CRLF2: variants seen among roughly 807,000 people sequenced by gnomAD.
CRLF2 encodes the protein cytokine receptor like factor 2.
CRLF2 carries 41 observed loss-of-function variants against 38.7 expected under a neutral mutation model. The observed-to-expected ratio is 1.06, with a 90% CI of 0.83 to 1.37. The LOEUF (loss-of-function observed/expected upper bound fraction) is 1.37, where lower values mean the gene tolerates loss of function less well. CRLF2 is among the 40% of genes most tolerant of loss of function. The probability of loss-of-function intolerance (pLI) is 0.00; values close to 1 mark genes in which losing one functional copy is unlikely to be tolerated. For synonymous variants in CRLF2, 140 were observed against 128.8 expected (o/e 1.09, Z -0.59); for missense variants, 377 against 322.2 (o/e 1.17, Z -1.30).
At position 1,212,605 on chromosome X, in the gene CRLF2, A is replaced by C; in HGVS notation, c.30T>G (p.Ala10=). 5 of 1,612,750 alleles carry C rather than the reference A, an allele frequency of 3.1e-6. No individual in the cohort carries two copies. Among genetic ancestry groups the C allele is most frequent in the Non-Finnish European group, 4.2e-6 (5 of 1,179,280 alleles). MGRLVLLWG[A]AVFLLGGWMA... ...TCCAGCCTCCCAGCAGAAAGACGGCAGCTCCCCACAGCAGAACCAGCCGCC... is the reference window on the plus strand; with the variant it reads ...TCCAGCCTCCCAGCAGAAAGACGGCCGCTCCCCACAGCAGAACCAGCCGCC... Residue 10 remains alanine (A), a synonymous_variant, in exon 1 of 8, where the codon GCT becomes GCG. Transcript: ENST00000400841.
Position 1,208,814 on chromosome X carries a change from G to GA in CRLF2, c.173dup (p.His59ProfsTer7). The GA allele has an allele frequency of 6.2e-7, 1 of 1,604,602 alleles. No homozygotes were observed. Among genetic ancestry groups the GA allele is most frequent in the Non-Finnish European group, 8.5e-7 (1 of 1,171,382 alleles). On this transcript the variant is annotated frameshift_variant, in exon 2 of 8. Coordinates refer to ENST00000400841, the MANE Select transcript of CRLF2 (RefSeq NM_022148.4). LOFTEE classifies it high-confidence loss of function. ...TTCTGGGGGCCACTTACCTGTAGTGGAAAGTCAGGTTGGTCCTGGAGTATT... is the reference window on the plus strand; with the variant it reads ...TTCTGGGGGCCACTTACCTGTAGTGGAAAAGTCAGGTTGGTCCTGGAGTATT...
intron 2 of CRLF2, 62 bp downstream of exon 2, chrX:1,208,744 C>T (rs1427886110): frequency 1.3e-5 from 12 of 951,598 alleles, no homozygotes; most frequent in East Asian, 1.2e-4. Flanking sequence ...CAATCGCTGA[C>T]GGCTCAGAAG....
chrX:1,198,879 T>G (rs2086550709), intron 4 of CRLF2, 155 bp from the exon 5 acceptor site: 1 of 757,626 alleles, frequency 1.3e-6, no homozygotes, highest in Non-Finnish European at 2.2e-6. Context: ...CCGGACACAG[T>G]GGCTCACTCC....
intron 7 of CRLF2, among the ~76,000 whole-genome samples, 165 bp downstream of exon 7, chrX:1,193,053 G>A (rs1450574061): frequency 6.6e-6 from 1 of 151,538 alleles, no homozygotes; most frequent in Non-Finnish European, 1.5e-5. Flanking sequence ...CCTGAAGTGA[G>A]CCTCCCACCT....
intron 4 of CRLF2, among the ~76,000 whole-genome samples, chrX:1,200,430 G>GTA (rs782762453): frequency 0.5 from 72,383 of 144,616 alleles, 19,261 homozygotes; most frequent in East Asian, 0.69. Flanking sequence ...GTATATGTGT[G>GTA]TATATGTGTT....
At position 1,198,609 on chromosome X, in the gene CRLF2, G is replaced by C. The variant is rs770185681; in HGVS notation, c.599C>G (p.Pro200Arg). The change falls in exon 5 of 8, where the codon CCA (proline) becomes CGA (arginine). Residue 200 changes from proline to arginine, a missense_variant. Coordinates refer to ENST00000400841, the MANE Select transcript of CRLF2 (RefSeq NM_022148.4). ...MEDVYGPDTY[P>R]SDWSEVTCWQ... ...GCATGTCACCTCTGACCAGTCGCTT[G>C]GGTATGTGTCTGGCCCATATACATC... 6.2e-7 allele frequency: 1 copy of C among 1,613,646 alleles called. No individual in the cohort carries two copies. Among genetic ancestry groups the C allele is most frequent in the Non-Finnish European group, 8.5e-7 (1 of 1,179,680 alleles).
At chrX:1,191,983 AT>A (rs2086389142) in intron 7 of CRLF2, among the ~76,000 whole-genome samples, 1 of 147,736 alleles carries the variant, frequency 6.8e-6, no homozygotes, top group African/African-American at 2.4e-5. Context: ...AGGTGGGTGG[AT>A]CATGAGGTGA....
intron 6 of CRLF2, among the ~76,000 whole-genome samples, chrX:1,194,946 T>G (rs1431839532): frequency 6.6e-6 from 1 of 151,462 alleles, no homozygotes; most frequent in African/African-American, 2.4e-5. Context: ...GCAGGAGAAT[T>G]GCTTGAATCT....
chrX:1,209,267 TATTGTATTGC>T (rs1165120341), intron 1 of CRLF2, among the ~76,000 whole-genome samples: 19 of 138,694 alleles, frequency 1.4e-4, no homozygotes, highest in Admixed American at 1.2e-3. Flanking sequence ...GCGCCTGACG[TATTGTATTGC>T]ATTGTATTGC....
chrX:1,202,566 C>A (rs2086627590), intron 3 of CRLF2, 31 bp from the exon 4 acceptor site: 1 of 1,613,404 alleles, frequency 6.2e-7, no homozygotes, highest in Admixed American at 1.7e-5. Context: ...AAGCGACGTC[C>A]CTCCTCTCTG....
intron 3 of CRLF2, 82 bp from the exon 4 acceptor site, chrX:1,202,617 C>T (rs2086628373): frequency 2.0e-6 from 3 of 1,520,134 alleles, no homozygotes; most frequent in Non-Finnish European, 2.7e-6. Flanking sequence ...TTTCTCTAGC[C>T]TGTACCCCTC....
At chrX:1,192,760 CT>C (rs1238980072) in intron 7 of CRLF2, among the ~76,000 whole-genome samples, 1,276 of 113,312 alleles carry the variant, frequency 0.011, 19 homozygotes, top group Non-Finnish European at 0.015. Flanking sequence ...TTCTTTCTTT[CT>C]TTCTTTCCTT....
chrX:1,199,511 G>A (rs1299989956), intron 4 of CRLF2, among the ~76,000 whole-genome samples: 2 of 151,958 alleles, frequency 1.3e-5, no homozygotes, highest in African/African-American at 4.8e-5. Context: ...ACGTTGGCCA[G>A]GCTGGTCTTG....
intron 4 of CRLF2, among the ~76,000 whole-genome samples, chrX:1,200,321 GTATA>G (rs1202719419): frequency 1.8e-5 from 2 of 109,038 alleles, no homozygotes; most frequent in African/African-American, 3.0e-5. Flanking sequence ...ACATATGTGT[GTATA>G]TATATGTGTG....
chrX:1,210,353 G>A (rs1265501018), intron 1 of CRLF2, among the ~76,000 whole-genome samples: 1 of 151,904 alleles, frequency 6.6e-6, no homozygotes, highest in African/African-American at 2.4e-5. Context: ...TCGCTCTGTC[G>A]CCCACGCTGG....
chrX:1,198,215 CGAAG>C (rs2086529701), intron 5 of CRLF2, among the ~76,000 whole-genome samples: 18 of 21,172 alleles, frequency 8.5e-4, no homozygotes, highest in South Asian at 2.0e-3. Context: ...CCTCCCACCT[CGAAG>C]GCAGGACACC....
chrX:1,191,348 T>TA (rs1413878313), intron 7 of CRLF2, among the ~76,000 whole-genome samples, 188 bp from the exon 8 acceptor site: 1 of 122,756 alleles, frequency 8.1e-6, no homozygotes, highest in Admixed American at 9.1e-5. Context: ...TTTCTTTCCT[T>TA]CTTTCTTTCT....
chrX:1,205,368 G>A (rs1327127079), intron 3 of CRLF2, among the ~76,000 whole-genome samples: 4 of 152,138 alleles, frequency 2.6e-5, no homozygotes, highest in Admixed American at 2.6e-4. Context: ...AAGTGTGCTG[G>A]GATTGCTTTT....
intron 6 of CRLF2, among the ~76,000 whole-genome samples, chrX:1,195,939 ATTTATATATAT>A (rs1303571766): frequency 7.0e-6 from 1 of 141,848 alleles, no homozygotes; most frequent in African/African-American, 2.6e-5. Context: ...CATTAAATAT[ATTTATATATAT>A]TTTATATATA....
Sources: gnomAD v4.1 joint callset for allele counts (sites outside exome capture counted in the v4.1 genomes callset) on GRCh38, gnomAD v4.1.1 for gene constraint, MANE v1.5 for transcripts, NCBI Gene and HGNC (gene_info 2026-07-23, HGNC 2026-07-21) for gene names.